The following RAI2 variants were observed in gnomAD, a reference collection of about 807,000 sequenced individuals.
RAI2 encodes retinoic acid induced 2, also known as retinoic acid-induced protein 2.
Under a neutral mutation model 15.3 loss-of-function variants are expected in RAI2, and 5 were observed. The ratio of observed to expected loss-of-function variants is 0.33; its 90% CI spans 0.17 to 0.69. RAI2 has a LOEUF of 0.69. RAI2 is among the 30% of genes least tolerant of loss of function. RAI2 has a pLI of 0.69. For synonymous variants in RAI2, 191 were observed against 184.0 expected (o/e 1.04, Z -0.31); for missense variants, 424 against 424.7 (o/e 1.00, Z 0.01).
At chrX:17,814,556 G>A (rs777231441) in intron 1 of RAI2, among the ~76,000 whole-genome samples, 1 of 108,377 alleles carries the variant, frequency 9.2e-6, no homozygotes, top group South Asian at 4.2e-4. Context: ...TGTTTCCCCA[G>A]TTGGTGGTAC....
intron 1 of RAI2, among the ~76,000 whole-genome samples, chrX:17,843,336 T>C (rs756597399): frequency 1.6e-4 from 18 of 111,459 alleles, no homozygotes; most frequent in East Asian, 5.6e-4. Context: ...TAAAACCCAG[T>C]TGAACACACC....
chrX:17,818,500 A>T (rs1314928293), intron 1 of RAI2, among the ~76,000 whole-genome samples: 1 of 42,375 alleles, frequency 2.4e-5, no homozygotes, highest in Non-Finnish European at 4.1e-5. Context: ...CAGGAATGCT[A>T]GAAATGTGTG....
intron 1 of RAI2, among the ~76,000 whole-genome samples, chrX:17,848,856 G>A (rs1051136967): frequency 8.9e-6 from 1 of 112,436 alleles, no homozygotes; most frequent in African/African-American, 3.2e-5. Flanking sequence ...GATTGCTAGG[G>A]TGGTCAGGCA....
chrX:17,826,482 C>A (rs954192771), intron 1 of RAI2, among the ~76,000 whole-genome samples: 2 of 110,612 alleles, frequency 1.8e-5, no homozygotes, highest in Non-Finnish European at 3.8e-5. Context: ...GGTTCATAGA[C>A]AATGCTCAAT....
intron 1 of RAI2, among the ~76,000 whole-genome samples, chrX:17,840,445 C>T (rs1053996047): frequency 1.4e-4 from 15 of 110,714 alleles, no homozygotes; most frequent in African/African-American, 4.9e-4. Flanking sequence ...CTTTGCAGGG[C>T]TACTGAAAGG....
chrX:17,836,378 C>A, intron 1 of RAI2, among the ~76,000 whole-genome samples: 1 of 112,330 alleles, frequency 8.9e-6, no homozygotes, highest in Middle Eastern at 4.6e-3. Flanking sequence ...GCTCAGAACA[C>A]TTATATTATC....
intron 1 of RAI2, among the ~76,000 whole-genome samples, chrX:17,832,244 T>C (rs1405582649): frequency 8.9e-6 from 1 of 112,067 alleles, no homozygotes; most frequent in Non-Finnish European, 1.9e-5. Flanking sequence ...ACTGAGGGGC[T>C]TCCCAGGCCC....
In RAI2 at chrX:17,801,789, C is replaced by T. The variant is rs144116867; in HGVS notation, c.222G>A (p.Ala74=). The T allele has an allele frequency of 5.4e-4, 653 of 1,209,898 alleles. 2 individuals are homozygous for T. The African/African-American group carries it at 0.01, about 19-fold the overall frequency. The change falls in exon 2 of 2, where the codon GCG becomes GCA. Residue 74 remains alanine, a synonymous_variant. Coordinates refer to ENST00000451717, the MANE Select transcript of RAI2 (RefSeq NM_021785.6). ...ESQSGMALKV[A]ATVLQPLCLG... is the part of the protein sequence containing the mutation. ...GGCACAGGGGCTGCAACACAGTGGC[C>T]GCCACCTTCAGAGCCATGCCACTCT...
chrX:17,832,390 C>T (rs759621856), intron 1 of RAI2, among the ~76,000 whole-genome samples: 6 of 111,838 alleles, frequency 5.4e-5, no homozygotes, highest in Non-Finnish European at 7.5e-5. Context: ...CCAACCCTGT[C>T]GCACCTGTAC....
At chrX:17,832,957 A>T (rs1399965288) in intron 1 of RAI2, among the ~76,000 whole-genome samples, 2 of 111,640 alleles carry the variant, frequency 1.8e-5, no homozygotes, top group Non-Finnish European at 3.8e-5. Context: ...AAACAAGTTC[A>T]CCCACGGGCA....
chrX:17,822,837 A>G (rs1350742481), intron 1 of RAI2, among the ~76,000 whole-genome samples: 1 of 112,253 alleles, frequency 8.9e-6, no homozygotes, highest in African/African-American at 3.2e-5. Context: ...GATCAAGACA[A>G]CTTGGTCCAA....
At chrX:17,850,172 G>T (rs1191718648) in intron 1 of RAI2, among the ~76,000 whole-genome samples, 1 of 112,177 alleles carries the variant, frequency 8.9e-6, no homozygotes, top group South Asian at 3.7e-4. Flanking sequence ...GGGAATAAGG[G>T]GCCACTGAAT....
intron 1 of RAI2, among the ~76,000 whole-genome samples, chrX:17,827,955 C>A (rs182733622): frequency 9.0e-6 from 1 of 110,674 alleles, no homozygotes; most frequent in Non-Finnish European, 1.9e-5. Flanking sequence ...GCCAGCAATT[C>A]TAAACCTGGT....
chrX:17,831,367 T>A (rs769730112), intron 1 of RAI2, among the ~76,000 whole-genome samples: 155 of 111,666 alleles, frequency 1.4e-3, no homozygotes, highest in African/African-American at 4.0e-3. Flanking sequence ...AGCTTTTTTT[T>A]AAAAAAACAA....
chrX:17,809,757 C>T (rs1396440950), intron 1 of RAI2, among the ~76,000 whole-genome samples: 1 of 110,612 alleles, frequency 9.0e-6, no homozygotes, highest in Non-Finnish European at 1.9e-5. Flanking sequence ...CTGGCCCAAC[C>T]TACCCCTTCT....
chrX:17,824,362 T>C (rs2067203604), intron 1 of RAI2, among the ~76,000 whole-genome samples: 1 of 112,388 alleles, frequency 8.9e-6, no homozygotes, highest in Non-Finnish European at 1.9e-5. Flanking sequence ...CAATCCCATT[T>C]CCACGGGGAG....
Position 17,836,629 on chromosome X carries a change from C to CCCCT in RAI2, c.-25+24465_-25+24468dup, listed in dbSNP as rs772584002. On this transcript the variant is annotated intron_variant, in intron 1 of 1. Coordinates refer to ENST00000451717, the MANE Select transcript of RAI2 (RefSeq NM_021785.6). The stretch of plus-strand genomic sequence containing the variant: ...TTATTATGGTCCTCCCCTGAGTTGG[C>CCCCT]CCCTGATCACAAGCTTCTCCACAGC... Among the ~76,000 whole-genome samples, 194 of 112,251 alleles carry CCCCT rather than the reference C, an allele frequency of 1.7e-3. 1 individual carries two copies. Among genetic ancestry groups the CCCCT allele is most frequent in the African/African-American group, 5.8e-3 (180 of 30,911 alleles).
At position 17,824,697 on chromosome X, in the gene RAI2, C is replaced by G. The variant is rs192953295; in HGVS notation, c.-24-22663G>C. Among the ~76,000 whole-genome samples, 551 of 112,130 alleles carry G rather than the reference C, an allele frequency of 4.9e-3. 5 individuals carry two copies. The highest frequency in any genetic ancestry group is 0.017 in the African/African-American group (511 of 30,882). On this transcript the variant is annotated intron_variant, in intron 1 of 1. Coordinates refer to ENST00000451717, the MANE Select transcript of RAI2 (RefSeq NM_021785.6). ...TGCCAGCTGGTATGAACAAAGGTGT[C>G]AGCAATTTGAAGCCTTGTCCAACAC...
At chrX:17,809,197 G>C (rs1331121301) in intron 1 of RAI2, among the ~76,000 whole-genome samples, 2 of 112,245 alleles carry the variant, frequency 1.8e-5, no homozygotes, top group Non-Finnish European at 3.8e-5. Context: ...CCTCTGAAGG[G>C]AATATGAATG....
Sources: gnomAD v4.1 joint callset for allele counts (sites outside exome capture counted in the v4.1 genomes callset) on GRCh38, gnomAD v4.1.1 for gene constraint, MANE v1.5 for transcripts, NCBI Gene and HGNC (gene_info 2026-07-23, HGNC 2026-07-21) for gene names.